TMEM33: variants seen among roughly 807,000 people sequenced by gnomAD.
TMEM33 encodes the protein transmembrane protein 33.
In TMEM33, 16 loss-of-function variants were observed where a neutral mutation model predicts 29.7. The ratio of observed to expected loss-of-function variants is 0.54; its 90% CI spans 0.36 to 0.82. The LOEUF (loss-of-function observed/expected upper bound fraction) is 0.82. Ranked by LOEUF, TMEM33 falls within the 40% of genes least tolerant of loss-of-function variation. The probability of loss-of-function intolerance (pLI) is 0.00; values close to 1 mark genes in which losing one functional copy is unlikely to be tolerated. For synonymous variants in TMEM33, 112 were observed against 109.4 expected (o/e 1.02, Z -0.15); for missense variants, 252 against 295.3 (o/e 0.85, Z 1.08).
At chr4:41,940,256 A>C (rs913881824) in intron 3 of TMEM33, among the ~76,000 whole-genome samples, 3 of 151,710 alleles carry the variant, frequency 2.0e-5, no homozygotes, top group African/African-American at 7.3e-5. Context: ...TTTAAACTTA[A>C]ATTTGTGGTT....
chr4:41,951,296 A>G (rs1428488606), intron 6 of TMEM33, among the ~76,000 whole-genome samples: 2 of 152,172 alleles, frequency 1.3e-5, no homozygotes, highest in African/African-American at 4.8e-5. Flanking sequence ...CTCAAAAGCC[A>G]TGTGTTGCTG....
rs1232595144 is a variant in TMEM33 at position 41,954,795 on chromosome 4, G to A, written c.*596G>A. On this transcript the variant is annotated 3_prime_UTR_variant, in exon 7 of 7. Transcript: ENST00000504986. Reference sequence around the variant, plus strand: ...ATCTTCTAAAATTTTATTTCCGTAAGTACTTCTGTGGCCTTGAGTATTTTT... The same window carrying A: ...ATCTTCTAAAATTTTATTTCCGTAAATACTTCTGTGGCCTTGAGTATTTTT... 2 of 152,490 alleles carry A rather than the reference G, an allele frequency of 1.3e-5. No homozygotes were observed. The highest frequency in any genetic ancestry group is 4.8e-5 in the African/African-American group (2 of 41,398). 9.4% of individuals were successfully genotyped at this position (152,490 alleles called of 1,614,324 possible). A position where few individuals can be genotyped will look rare whatever the true frequency, so the allele number is the denominator to read the frequency against.
chr4:41,935,414 G>A, upstream of TMEM33: 6 of 1,513,060 alleles, frequency 4.0e-6, no homozygotes, highest in Non-Finnish European at 5.4e-6. Context: ...CCTGGCCCCA[G>A]CGCTGACGTT....
Position 41,939,250 on chromosome 4 carries a change from C to G in TMEM33, c.195C>G (p.Thr65=). ...YQRALLANAL[T]SALRLHQRLP... ...GTGCTTTGCTGGCAAATGCTCTTAC[C>G]AGTGCTCTGAGGCTGCATCAAAGAT... Residue 65 remains threonine, a synonymous_variant, in exon 3 of 7, where the codon ACC becomes ACG. Transcript: ENST00000504986. 6.2e-7 allele frequency: 1 copy of G among 1,612,240 alleles called. No homozygotes were observed. The highest frequency in any genetic ancestry group is 8.5e-7 in the Non-Finnish European group (1 of 1,179,544).
intron 5 of TMEM33, 52 bp downstream of exon 5, chr4:41,944,978 G>T: frequency 6.3e-7 from 1 of 1,590,020 alleles, no homozygotes. Context: ...ACGTAATAAA[G>T]ATAGTAACTC....
intron 3 of TMEM33, 66 bp downstream of exon 3, chr4:41,939,449 A>G: frequency 6.5e-7 from 1 of 1,541,166 alleles, no homozygotes; most frequent in Non-Finnish European, 8.8e-7. Context: ...TCTTCTGATT[A>G]TTTCAGCAAT....
chr4:41,946,744 A>G (rs1488129349), intron 5 of TMEM33, among the ~76,000 whole-genome samples: 1 of 152,144 alleles, frequency 6.6e-6, no homozygotes, highest in Admixed American at 6.5e-5. Flanking sequence ...TTTTTCCATC[A>G]TTTATAGGTT....
At chr4:41,947,810 A>G (rs974411485) in intron 5 of TMEM33, among the ~76,000 whole-genome samples, 1 of 152,216 alleles carries the variant, frequency 6.6e-6, no homozygotes, top group African/African-American at 2.4e-5. Context: ...TTGTGCCAGT[A>G]ATGCTTCAAG....
At position 41,935,474 on chromosome 4, in the gene TMEM33, T is replaced by A. The variant is rs1424856445; in HGVS notation, c.-11T>A. 7 of 1,607,104 alleles carry A rather than the reference T, an allele frequency of 4.4e-6. No homozygotes were observed. In the African/African-American group the frequency reaches 9.3e-5, roughly 21 times the overall value. On this transcript the variant is annotated 5_prime_UTR_variant, in exon 1 of 7. Transcript: ENST00000504986. ...GCGGTTGCGGCGTCGCAGACGCTAG[T>A]GTGAGCCCCCATGGCAGATACGACC... is the stretch of plus-strand genomic sequence containing the variant.
At chr4:41,950,921 A>C (rs1053749765) in intron 6 of TMEM33, among the ~76,000 whole-genome samples, 1 of 152,192 alleles carries the variant, frequency 6.6e-6, no homozygotes, top group Non-Finnish European at 1.5e-5. Flanking sequence ...GTGAATCAAG[A>C]TAACACAAAT....
At position 41,940,046 on chromosome 4, in the gene TMEM33, C is replaced by CCTTTTTTTTTT. The variant is rs1553910603; in HGVS notation, c.328+663_328+664insCTTTTTTTTTT. On this transcript the variant is annotated intron_variant, in intron 3 of 6. Transcript: ENST00000504986. ...TATAGTGAACACTAGGTTAAACTTTCTTTTTTTTTTTTTTTTTTTTTTTTG... is the reference window on the plus strand; with the variant it reads ...TATAGTGAACACTAGGTTAAACTTTCCTTTTTTTTTTTTTTTTTTTTTTTTTTTTTTTTTTG... 4.5e-3 allele frequency among the ~76,000 whole-genome samples: 364 copies of CCTTTTTTTTTT among 81,386 alleles called. 20 individuals are homozygous for CCTTTTTTTTTT. Among genetic ancestry groups the CCTTTTTTTTTT allele is most frequent in the African/African-American group, 0.014 (255 of 17,936 alleles). The allele number at this position is 81,386 out of a possible 152,430, so 53.4% of individuals were successfully genotyped here.
chr4:41,941,563 C>T (rs1712543586), intron 3 of TMEM33, among the ~76,000 whole-genome samples: 1 of 152,194 alleles, frequency 6.6e-6, no homozygotes, highest in Non-Finnish European at 1.5e-5. Flanking sequence ...AGACTCATGA[C>T]TGGTGAAGAA....
Position 41,944,708 on chromosome 4 carries a change from T to C in TMEM33, c.397-85T>C, listed in dbSNP as rs1003754479. On this transcript the variant is annotated intron_variant, in intron 4 of 6. Transcript: ENST00000504986. The stretch of plus-strand genomic sequence containing the variant: ...TAGTATATTTGGTTGTATTGCCTGT[T>C]GGATAGGCTGTTTACCTACAGAAAG... 5 of 1,492,430 alleles carry C rather than the reference T, an allele frequency of 3.4e-6. No homozygotes were observed. The African/African-American group carries it at 7.0e-5, about 21-fold the overall frequency. The allele number at this position is 1,492,430 out of a possible 1,614,324, so 92.4% of individuals were successfully genotyped here.
intron 6 of TMEM33, among the ~76,000 whole-genome samples, chr4:41,951,069 T>G (rs919805785): frequency 6.6e-6 from 1 of 151,930 alleles, no homozygotes; most frequent in Admixed American, 6.6e-5. Flanking sequence ...CTACACTTTT[T>G]TTAATTAAAG....
intron 2 of TMEM33, 55 bp downstream of exon 2, chr4:41,938,751 T>C (rs1022412985): frequency 2.6e-6 from 4 of 1,546,198 alleles, no homozygotes; most frequent in Admixed American, 1.7e-5. Flanking sequence ...TCAGTTTATA[T>C]GGAGTGCCTT....
chr4:41,947,656 A>C (rs748850832), intron 5 of TMEM33, among the ~76,000 whole-genome samples: 5 of 152,230 alleles, frequency 3.3e-5, no homozygotes, highest in Admixed American at 6.5e-5. Flanking sequence ...CCTATTAGGA[A>C]AAGCTGTTAA....
chr4:41,943,525 C>CAAA (rs367574971), intron 3 of TMEM33, among the ~76,000 whole-genome samples: 2 of 137,496 alleles, frequency 1.5e-5, no homozygotes, highest in African/African-American at 5.2e-5. Flanking sequence ...GACTTTGTCT[C>CAAA]AAAAAAAAAA....
At chr4:41,940,013 A>G (rs1213938720) in intron 3 of TMEM33, among the ~76,000 whole-genome samples, 6 of 150,368 alleles carry the variant, frequency 4.0e-5, no homozygotes, top group African/African-American at 1.2e-4. Flanking sequence ...AAAATGGGGA[A>G]GAGGTTCTAT....
At chr4:41,935,307 C>G, upstream of TMEM33, 1 of 704,290 alleles carries the variant, frequency 1.4e-6, no homozygotes, top group African/African-American at 1.8e-5. Flanking sequence ...GTCGGCTGCA[C>G]CAGGCGAGCG....
Sources: gnomAD v4.1 joint callset for allele counts (sites outside exome capture counted in the v4.1 genomes callset) on GRCh38, gnomAD v4.1.1 for gene constraint, MANE v1.5 for transcripts, NCBI Gene and HGNC (gene_info 2026-07-23, HGNC 2026-07-21) for gene names.